The following TCF7L1 variants were observed in gnomAD, a reference collection of about 807,000 sequenced individuals.
TCF7L1 encodes transcription factor 7-like 1.
A neutral mutation model predicts 63.7 loss-of-function variants in TCF7L1; 18 were observed. That is an observed-to-expected ratio of 0.28 (90% CI 0.20 to 0.42). The LOEUF is 0.42. Among genes scored for constraint, TCF7L1 ranks in the 10% least tolerant of loss-of-function variants. The pLI is 1.00. For missense variants in TCF7L1, 654 were observed against 779.3 expected (o/e 0.84, Z 1.91); for synonymous variants, 355 against 340.9 (o/e 1.04, Z -0.46).
Position 85,134,532 on chromosome 2 carries a change from G to T in TCF7L1, c.441+82G>T. 1.3e-6 allele frequency: 2 copies of T among 1,508,312 alleles called. No individual in the cohort carries two copies. Among genetic ancestry groups the T allele is most frequent in the Non-Finnish European group, 1.8e-6 (2 of 1,127,776 alleles). The allele number at this position is 1,508,312 out of a possible 1,614,324, so 93.4% of individuals were successfully genotyped here. A position where few individuals can be genotyped will look rare whatever the true frequency, so the allele number is the denominator to read the frequency against. On this transcript the variant is annotated intron_variant, in intron 3 of 11. Coordinates refer to ENST00000282111, the MANE Select transcript of TCF7L1 (RefSeq NM_031283.3). This position sits in a 1 kb window ranked among gnomAD's most constrained non-coding sequence, Gnocchi z 5.0. ...CCCCCGGGCTTGGCCATGGAGTGGG[G>T]GATGGGGCCTTCTGCGCCGATCCCA... is the stretch of plus-strand genomic sequence containing the variant.
At chr2:85,180,904 G>A (rs1457947356) in intron 3 of TCF7L1, among the ~76,000 whole-genome samples, 1 of 152,220 alleles carries the variant, frequency 6.6e-6, no homozygotes, top group South Asian at 2.1e-4. Flanking sequence ...TTCCTCCCTG[G>A]CAGGTCTGAA....
At chr2:85,233,335 T>C (rs772581711) in intron 3 of TCF7L1, among the ~76,000 whole-genome samples, 275 of 121,062 alleles carry the variant, frequency 2.3e-3, no homozygotes, top group South Asian at 5.6e-3. Context: ...TTTTTTTTTT[T>C]AGATGGAGTC....
At chr2:85,252,717 G>A (rs1360669852) in intron 3 of TCF7L1, among the ~76,000 whole-genome samples, 2 of 152,196 alleles carry the variant, frequency 1.3e-5, no homozygotes, top group East Asian at 3.8e-4. Flanking sequence ...TTTCCAAGCA[G>A]CCCCTACCAC....
At chr2:85,242,023 C>G (rs1301188204) in intron 3 of TCF7L1, among the ~76,000 whole-genome samples, 2 of 139,530 alleles carry the variant, frequency 1.4e-5, no homozygotes, top group Non-Finnish European at 3.1e-5. Flanking sequence ...GGCGGTGGTG[C>G]GGGGGGGCAA....
chr2:85,246,727 T>G (rs1436796197), intron 3 of TCF7L1, among the ~76,000 whole-genome samples: 1 of 152,128 alleles, frequency 6.6e-6, no homozygotes, highest in Non-Finnish European at 1.5e-5. Context: ...CTCAGCAGAA[T>G]TGCAATCCTA....
chr2:85,143,551 A>G (rs964666755), intron 3 of TCF7L1, among the ~76,000 whole-genome samples: 2 of 152,186 alleles, frequency 1.3e-5, no homozygotes, highest in African/African-American at 2.4e-5. Flanking sequence ...ACTTGTTCCC[A>G]TTTTGCTGCT....
intron 3 of TCF7L1, among the ~76,000 whole-genome samples, chr2:85,227,711 C>T (rs1028647303): frequency 6.6e-6 from 1 of 152,052 alleles, no homozygotes; most frequent in Non-Finnish European, 1.5e-5. Flanking sequence ...GCTCTGGATT[C>T]TGGGCTGGGC....
chr2:85,157,295 C>T (rs369938426), intron 3 of TCF7L1, among the ~76,000 whole-genome samples: 6 of 152,266 alleles, frequency 3.9e-5, no homozygotes, highest in Middle Eastern at 3.4e-3. Flanking sequence ...TAGTTCTTTC[C>T]GAACTACTGC....
At chr2:85,303,758 A>T in intron 5 of TCF7L1, 137 bp from the exon 6 acceptor site, 2 of 615,940 alleles carry the variant, frequency 3.2e-6, no homozygotes, top group Non-Finnish European at 5.7e-6. Context: ...GAGTTGACAG[A>T]GGGCAAGGAC....
intron 3 of TCF7L1, among the ~76,000 whole-genome samples, chr2:85,278,875 C>G (rs909098852): frequency 6.6e-6 from 1 of 152,204 alleles, no homozygotes; most frequent in South Asian, 2.1e-4. Context: ...CATCCAAAAG[C>G]GGGTATTTAA....
intron 3 of TCF7L1, among the ~76,000 whole-genome samples, chr2:85,145,632 C>T (rs1328336998): frequency 1.3e-5 from 2 of 152,232 alleles, no homozygotes; most frequent in Non-Finnish European, 2.9e-5. Flanking sequence ...TCCTCTAGCC[C>T]TCTGAGCTAG....
chr2:85,135,661 G>T (rs935021472), intron 3 of TCF7L1, among the ~76,000 whole-genome samples: 1 of 151,696 alleles, frequency 6.6e-6, no homozygotes, highest in Admixed American at 6.6e-5. Flanking sequence ...TGGTTCAGCG[G>T]GGGCGCTACC....
intron 3 of TCF7L1, among the ~76,000 whole-genome samples, chr2:85,229,374 A>G (rs1680024383): frequency 6.6e-6 from 1 of 152,002 alleles, no homozygotes; most frequent in Non-Finnish European, 1.5e-5. Context: ...AAGGAAGGAG[A>G]TTGGAACCTT....
At chr2:85,239,507 C>A (rs1379489283) in intron 3 of TCF7L1, among the ~76,000 whole-genome samples, 3 of 152,222 alleles carry the variant, frequency 2.0e-5, no homozygotes, top group African/African-American at 7.2e-5. Flanking sequence ...TGCCCCCAAA[C>A]GCAGTGGGAG....
At chr2:85,288,945 C>G (rs1280236993) in intron 4 of TCF7L1, among the ~76,000 whole-genome samples, 1 of 152,162 alleles carries the variant, frequency 6.6e-6, no homozygotes, top group Non-Finnish European at 1.5e-5. Context: ...GGAATCGCAT[C>G]TGAGCGCCTG....
intron 3 of TCF7L1, among the ~76,000 whole-genome samples, chr2:85,191,839 AAAG>A (rs1178799054): frequency 3.9e-5 from 6 of 152,202 alleles, no homozygotes; most frequent in African/African-American, 7.2e-5. Flanking sequence ...AAAAAAAAAA[AAAG>A]AAGTTTATTT....
chr2:85,218,866 T>A (rs1022648536), intron 3 of TCF7L1, among the ~76,000 whole-genome samples: 1 of 151,978 alleles, frequency 6.6e-6, no homozygotes, highest in African/African-American at 2.4e-5. Context: ...GGCATAATGG[T>A]GAATAAGATG....
chr2:85,153,157 T>A (rs575223123), intron 3 of TCF7L1, among the ~76,000 whole-genome samples: 1 of 152,320 alleles, frequency 6.6e-6, no homozygotes, highest in African/African-American at 2.4e-5. Context: ...TTCCATTGAC[T>A]AGTATAGGCT....
chr2:85,169,601 A>C (rs763452890), intron 3 of TCF7L1, among the ~76,000 whole-genome samples: 1 of 152,138 alleles, frequency 6.6e-6, no homozygotes, highest in African/African-American at 2.4e-5. Flanking sequence ...TGAACAAGAC[A>C]AAGCATATTG....
Sources: gnomAD v4.1 joint callset for allele counts (sites outside exome capture counted in the v4.1 genomes callset) on GRCh38, gnomAD v4.1.1 for gene constraint, Gnocchi (gnomAD v3.1) non-coding constraint, MANE v1.5 for transcripts, NCBI Gene and HGNC (gene_info 2026-07-23, HGNC 2026-07-21) for gene names.